Variants in PHF24 observed in about 807,000 individuals in gnomAD.
PHF24 encodes the protein PHD finger protein 24.
In PHF24, 25 loss-of-function variants were observed where a neutral mutation model predicts 42.6. The ratio of observed to expected loss-of-function variants is 0.59; its 90% CI spans 0.43 to 0.82. The LOEUF (loss-of-function observed/expected upper bound fraction) is 0.82. Among genes scored for constraint, PHF24 ranks in the 40% least tolerant of loss-of-function variants. PHF24 has a pLI of 0.00. For missense variants in PHF24, 470 were observed against 538.1 expected, an observed-to-expected ratio of 0.87 and a Z score of 1.25; for synonymous variants, 185 against 204.8, an observed-to-expected ratio of 0.90 and a Z score of 0.83.
the PHF24 span, among the ~76,000 whole-genome samples, chr9:34,952,118 C>T: frequency 6.6e-6 from 1 of 152,152 alleles, no homozygotes; most frequent in Non-Finnish European, 1.5e-5. Context: ...ACAGAGAACA[C>T]AATTGTCTGC....
chr9:34,726,685 A>T, the PHF24 span: 2 of 1,551,612 alleles, frequency 1.3e-6, no homozygotes, highest in Admixed American at 3.9e-5. Flanking sequence ...TTGACTGGGC[A>T]GCTGACTGGG....
At position 34,977,134 on chromosome 9, in the gene PHF24, G is replaced by T. The variant is rs536419897; in HGVS notation, c.901G>T (p.Ala301Ser). The change falls in exon 6 of 8, where the codon GCC becomes TCC. Residue 301 changes from alanine (A) to serine (S), a missense_variant. Transcript: ENST00000242315. Reference sequence around the variant, plus strand: ...GAAGGAGCGGGAGCGAGCCCGAGCCGCCTTCCTGGCTCGGGGCAGTGGGAG... The same window carrying T: ...GAAGGAGCGGGAGCGAGCCCGAGCCTCCTTCCTGGCTCGGGGCAGTGGGAG... The T allele has an allele frequency of 2.5e-6, 4 of 1,613,102 alleles. No individual in the cohort carries two copies. In the Admixed American group the frequency reaches 5.0e-5, roughly 20 times the overall value.
chr9:34,743,845 C>A, the PHF24 span, among the ~76,000 whole-genome samples: 264 of 152,240 alleles, frequency 1.7e-3, 2 homozygotes, highest in African/African-American at 5.5e-3. Flanking sequence ...ATTCAGTTCT[C>A]AGTTCTAGAG....
the PHF24 span, among the ~76,000 whole-genome samples, chr9:34,740,134 T>C: frequency 1.3e-5 from 2 of 152,226 alleles, no homozygotes; most frequent in African/African-American, 4.8e-5. Context: ...ATAAAGGTTC[T>C]CCATGTCCCC....
chr9:34,673,537 C>T, the PHF24 span, among the ~76,000 whole-genome samples: 2 of 151,566 alleles, frequency 1.3e-5, no homozygotes, highest in Non-Finnish European at 2.9e-5. Flanking sequence ...GAGGTGTGAT[C>T]TCGGCTCACT....
chr9:34,758,673 G>A, the PHF24 span, among the ~76,000 whole-genome samples: 3 of 152,116 alleles, frequency 2.0e-5, no homozygotes, highest in Non-Finnish European at 2.9e-5. This position sits in a 1 kb window ranked among gnomAD's most constrained non-coding sequence, Gnocchi z 4.4. Context: ...ATGGCATCAC[G>A]CTGCAGCAGC....
chr9:34,929,685 C>T, the PHF24 span, among the ~76,000 whole-genome samples: 2 of 152,180 alleles, frequency 1.3e-5, no homozygotes, highest in South Asian at 2.1e-4. Flanking sequence ...TCTGTATTGT[C>T]GCCCCCTACA....
At chr9:34,842,295 A>G in the PHF24 span, among the ~76,000 whole-genome samples, 2 of 152,350 alleles carry the variant, frequency 1.3e-5, no homozygotes, top group Non-Finnish European at 2.9e-5. Flanking sequence ...TGCTATGAAC[A>G]TTCATGTACC....
chr9:34,799,414 ATACT>A, the PHF24 span, among the ~76,000 whole-genome samples: 2 of 152,216 alleles, frequency 1.3e-5, no homozygotes, highest in African/African-American at 4.8e-5. Context: ...ATGTATATAA[ATACT>A]TAATGATAGC....
At chr9:34,887,193 G>A in the PHF24 span, among the ~76,000 whole-genome samples, 3 of 152,028 alleles carry the variant, frequency 2.0e-5, no homozygotes, top group Non-Finnish European at 4.4e-5. Context: ...AGTGAACCCA[G>A]CATCTAAATG....
chr9:34,746,759 T>G, the PHF24 span, among the ~76,000 whole-genome samples: 1 of 152,168 alleles, frequency 6.6e-6, no homozygotes, highest in Non-Finnish European at 1.5e-5. Flanking sequence ...GAGACCTCAA[T>G]TATGTAAATA....
chr9:34,975,181 G>C (rs951896592), intron 3 of PHF24, among the ~76,000 whole-genome samples: 1 of 152,104 alleles, frequency 6.6e-6, no homozygotes. Flanking sequence ...TCGATAAAGG[G>C]TATTGGAGGT....
At chr9:34,972,956 G>C (rs966593325) in intron 3 of PHF24, among the ~76,000 whole-genome samples, 1 of 144,078 alleles carries the variant, frequency 6.9e-6, no homozygotes, top group Admixed American at 7.1e-5. Context: ...GTACATACAA[G>C]AGACCTAGAG....
chr9:34,709,412 C>T, the PHF24 span: 1 of 1,610,050 alleles, frequency 6.2e-7, no homozygotes, highest in Non-Finnish European at 8.5e-7. Context: ...CTTTAGGGGT[C>T]TGTGACCGCT....
chr9:34,689,895 A>T, the PHF24 span: 1 of 1,614,070 alleles, frequency 6.2e-7, no homozygotes, highest in Non-Finnish European at 8.5e-7. The surrounding 1 kb of genome is among the most constrained non-coding windows in gnomAD (Gnocchi z 4.1). Flanking sequence ...AGGAGCTCAG[A>T]GGGAGGAGAC....
the PHF24 span, among the ~76,000 whole-genome samples, chr9:34,816,211 A>G: frequency 1.3e-5 from 2 of 152,212 alleles, no homozygotes; most frequent in South Asian, 4.2e-4. Flanking sequence ...AATACAGCTG[A>G]TCCAGTTTGC....
At chr9:34,707,525 AT>A in the PHF24 span, among the ~76,000 whole-genome samples, 1 of 152,154 alleles carries the variant, frequency 6.6e-6, no homozygotes, top group Admixed American at 6.5e-5. Context: ...TTATAGATTA[AT>A]TTCACACCTG....
At chr9:34,928,140 C>A in the PHF24 span, among the ~76,000 whole-genome samples, 1 of 147,388 alleles carries the variant, frequency 6.8e-6, no homozygotes, top group African/African-American at 2.5e-5. Context: ...CGCTTGAACC[C>A]AGGAGGTGAA....
the PHF24 span, among the ~76,000 whole-genome samples, chr9:34,911,649 T>C: frequency 6.6e-6 from 1 of 152,116 alleles, no homozygotes; most frequent in Admixed American, 6.6e-5. Flanking sequence ...TGTCTAGAAA[T>C]TTTCCAAATT....
Sources: gnomAD v4.1 joint callset for allele counts (sites outside exome capture counted in the v4.1 genomes callset) on GRCh38, gnomAD v4.1.1 for gene constraint, Gnocchi (gnomAD v3.1) non-coding constraint, MANE v1.5 for transcripts, NCBI Gene and HGNC (gene_info 2026-07-23, HGNC 2026-07-21) for gene names.